ERC1: variants seen among roughly 807,000 people sequenced by gnomAD.
The protein encoded by ERC1 is ELKS/RAB6-interacting/CAST family member 1.
A neutral mutation model predicts 132.0 loss-of-function variants in ERC1; 56 were observed. The observed-to-expected ratio is 0.42, with a 90% CI of 0.34 to 0.53. The LOEUF (loss-of-function observed/expected upper bound fraction) is 0.53, where lower values mean the gene tolerates loss of function less well. Among genes scored for constraint, ERC1 ranks in the 20% least tolerant of loss-of-function variants. The probability of loss-of-function intolerance (pLI) is 0.03; values close to 1 mark genes in which losing one functional copy is unlikely to be tolerated. For missense variants in ERC1, 1,202 were observed against 1,349.9 expected (o/e 0.89, Z 1.72); for synonymous variants, 478 against 476.1 (o/e 1.00, Z -0.05).
intron 4 of ERC1, among the ~76,000 whole-genome samples, chr12:1,105,957 G>A (rs900039045): frequency 1.3e-5 from 2 of 152,264 alleles, no homozygotes; most frequent in African/African-American, 4.8e-5. Flanking sequence ...AGGGTTGAGG[G>A]TACCCTGAGA....
At chr12:1,288,123 A>G (rs371984819) in intron 14 of ERC1, among the ~76,000 whole-genome samples, 13 of 152,246 alleles carry the variant, frequency 8.5e-5, no homozygotes, top group African/African-American at 2.7e-4. Context: ...TTATGTTATA[A>G]AAACATAGCT....
chr12:1,141,709 G>A lies in ERC1; in HGVS notation c.1659G>A (p.Gly553=), dbSNP rs773751823. 4.3e-6 allele frequency: 7 copies of A among 1,613,478 alleles called. No homozygotes were observed. Among genetic ancestry groups the A allele is most frequent in the East Asian group, 4.5e-5 (2 of 44,866 alleles). ...TTCAGGATATGGCTGAAGAGAAGGG[G>A]ACACAAGCTGGAGAGATACATGACC... ...KQIQDMAEEK[G]TQAGEIHDLK... is the part of the protein sequence containing the mutation. Residue 553 remains glycine (G), a synonymous_variant, in exon 8 of 19, where the codon GGG becomes GGA. Coordinates refer to ENST00000360905, the MANE Select transcript of ERC1 (RefSeq NM_178040.4).
chr12:1,184,682 A>T (rs1954871481), intron 11 of ERC1, among the ~76,000 whole-genome samples: 1 of 152,228 alleles, frequency 6.6e-6, no homozygotes, highest in African/African-American at 2.4e-5. Flanking sequence ...CTTCAGCATG[A>T]GATAATATCC....
chr12:1,059,453 G>A (rs933281345), intron 2 of ERC1, among the ~76,000 whole-genome samples: 5 of 152,170 alleles, frequency 3.3e-5, no homozygotes, highest in Non-Finnish European at 7.3e-5. Context: ...CCTATTAAGT[G>A]TGATGTTAGC....
At chr12:1,344,956 C>A (rs2084295374) in intron 15 of ERC1, among the ~76,000 whole-genome samples, 1 of 151,878 alleles carries the variant, frequency 6.6e-6, no homozygotes, top group Admixed American at 6.6e-5. Flanking sequence ...ATTTGTTATT[C>A]TTTTATAAAT....
chr12:1,261,101 A>G (rs2077114241), intron 13 of ERC1, among the ~76,000 whole-genome samples: 1 of 152,156 alleles, frequency 6.6e-6, no homozygotes, highest in Non-Finnish European at 1.5e-5. Flanking sequence ...TTTCTCCCTA[A>G]AAGTTTTTTA....
intron 12 of ERC1, among the ~76,000 whole-genome samples, chr12:1,194,098 G>A (rs961595341): frequency 2.6e-5 from 4 of 152,156 alleles, no homozygotes; most frequent in Non-Finnish European, 5.9e-5. Flanking sequence ...TTAATAGTGA[G>A]TAGGCTTTTC....
At chr12:1,304,451 G>A (rs73031301) in intron 15 of ERC1, among the ~76,000 whole-genome samples, 5,286 of 152,258 alleles carry the variant, frequency 0.035, 103 homozygotes, top group Middle Eastern at 0.075. Flanking sequence ...TGGGATTATC[G>A]TTCTTGGCCT....
At chr12:1,077,851 A>G (rs770358367) in intron 2 of ERC1, among the ~76,000 whole-genome samples, 5 of 152,120 alleles carry the variant, frequency 3.3e-5, no homozygotes. Flanking sequence ...TCCTTCTTCT[A>G]AAGGAGTTGG....
At chr12:1,402,614 A>AACACACACACACACACAC (rs56777839) in intron 16 of ERC1, among the ~76,000 whole-genome samples, 2,285 of 144,884 alleles carry the variant, frequency 0.016, 33 homozygotes, top group African/African-American at 0.039. Context: ...TGTAACCCCC[A>AACACACACACACACACAC]ACACACACAC....
At position 1,444,599 on chromosome 12, in the gene ERC1, G is replaced by T. The variant is rs1455059722; in HGVS notation, c.3062G>T (p.Ser1021Ile). ...QPLLELDQNRSKLKLYIGHLT... is the reference protein window; with the variant it reads ...QPLLELDQNRIKLKLYIGHLT... ...CTCTTAGAACTTGACCAAAATAGAA[G>T]TAAATTAAAGTTGTACATTGGACAC... The change falls in exon 18 of 19, where the codon AGT becomes ATT. Residue 1021 changes from serine (S) to isoleucine (I), a missense_variant. Coordinates refer to ENST00000360905, the MANE Select transcript of ERC1 (RefSeq NM_178040.4). 2.5e-6 allele frequency: 4 copies of T among 1,613,664 alleles called. No individual in the cohort carries two copies. Among genetic ancestry groups the T allele is most frequent in the Non-Finnish European group, 3.4e-6 (4 of 1,179,810 alleles).
chr12:1,277,226 C>T (rs966035185), intron 14 of ERC1, among the ~76,000 whole-genome samples: 1 of 152,186 alleles, frequency 6.6e-6, no homozygotes, highest in African/African-American at 2.4e-5. Flanking sequence ...TAGCAGTGAG[C>T]CTTCCACTCG....
In ERC1 at chr12:1,162,519, G is replaced by A. The variant is rs1456937219; in HGVS notation, c.1738-18021G>A. Reference sequence around the variant, plus strand: ...TTTTTTGTCCTAGTTGGTTCTTTAAGTCTCTTCTATTTTGTTTTGGGTAGG... The same window carrying A: ...TTTTTTGTCCTAGTTGGTTCTTTAAATCTCTTCTATTTTGTTTTGGGTAGG... On this transcript the variant is annotated intron_variant, in intron 8 of 18. Coordinates refer to ENST00000360905, the MANE Select transcript of ERC1 (RefSeq NM_178040.4). 4.0e-5 allele frequency among the ~76,000 whole-genome samples: 6 copies of A among 149,540 alleles called. No homozygotes were observed. The East Asian group carries it at 9.8e-4, about 24-fold the overall frequency.
At chr12:1,245,389 C>A (rs2154309851) in intron 13 of ERC1, among the ~76,000 whole-genome samples, 1 of 152,220 alleles carries the variant, frequency 6.6e-6, no homozygotes, top group Non-Finnish European at 1.5e-5. Flanking sequence ...TTTGTCACTT[C>A]TTTTGTTGAT....
chr12:1,000,517 G>A (rs1962020768), intron 1 of ERC1, among the ~76,000 whole-genome samples: 1 of 151,518 alleles, frequency 6.6e-6, no homozygotes, highest in African/African-American at 2.4e-5. Context: ...CCAATGGGAT[G>A]AAAATTTTGG....
intron 17 of ERC1, among the ~76,000 whole-genome samples, chr12:1,434,758 A>G (rs1247885029): frequency 6.6e-6 from 1 of 152,224 alleles, no homozygotes; most frequent in East Asian, 1.9e-4. Flanking sequence ...GTCATGGTCC[A>G]GGTTGTGTAA....
At chr12:1,442,942 C>T (rs2093198838) in intron 17 of ERC1, among the ~76,000 whole-genome samples, 1 of 152,134 alleles carries the variant, frequency 6.6e-6, no homozygotes, top group Non-Finnish European at 1.5e-5. Flanking sequence ...CAGTCTCGCT[C>T]TATCGCTCAG....
chr12:1,368,065 A>G (rs1397789637), intron 15 of ERC1, among the ~76,000 whole-genome samples: 1 of 150,386 alleles, frequency 6.6e-6, no homozygotes, highest in Non-Finnish European at 1.5e-5. Context: ...TGGCATACAT[A>G]TATTACCGTT....
intron 15 of ERC1, among the ~76,000 whole-genome samples, chr12:1,319,654 A>G (rs1163142559): frequency 6.6e-6 from 1 of 152,196 alleles, no homozygotes; most frequent in Non-Finnish European, 1.5e-5. Context: ...GTAATGATGT[A>G]TTTCAGATTT....
Sources: allele counts gnomAD v4.1 joint callset (sites outside exome capture counted in the v4.1 genomes callset), GRCh38; gene constraint gnomAD v4.1.1; transcripts MANE v1.5; gene names NCBI Gene and HGNC (gene_info 2026-07-23, HGNC 2026-07-21).